MTREX: variants seen among roughly 807,000 people sequenced by gnomAD.
The protein encoded by MTREX is exosome RNA helicase MTR4.
A neutral mutation model predicts 135.4 loss-of-function variants in MTREX; 76 were observed. The observed-to-expected ratio is 0.56, with a 90% CI of 0.47 to 0.68. The LOEUF (loss-of-function observed/expected upper bound fraction) is 0.68, where lower values mean the gene tolerates loss of function less well. Among genes scored for constraint, MTREX ranks in the 30% least tolerant of loss-of-function variants. The probability of loss-of-function intolerance (pLI) is 0.00; values close to 1 mark genes in which losing one functional copy is unlikely to be tolerated. For synonymous variants in MTREX, 404 were observed against 401.6 expected, an observed-to-expected ratio of 1.01 and a Z score of -0.07; for missense variants, 920 against 1,262.1, an observed-to-expected ratio of 0.73 and a Z score of 4.11.
rs1183589561 is a variant in MTREX, at chr5:55,355,440, TAAG to T, written c.1533+2175_1533+2177del. ...AGACTCCCTTTAACCCCTCCACTGTTAAGAAGGAGGCACCTGGGGGATGGAATG... is the reference window on the plus strand; with the variant it reads ...AGACTCCCTTTAACCCCTCCACTGTTAAGGAGGCACCTGGGGGATGGAATG... On this transcript the variant is annotated intron_variant, in intron 14 of 26. Transcript: ENST00000230640. 7.2e-5 allele frequency among the ~76,000 whole-genome samples: 11 copies of T among 152,200 alleles called. No individual in the cohort carries two copies. The South Asian group carries it at 2.1e-3, about 29-fold the overall frequency.
chr5:55,365,243 G>C (rs973431752), intron 15 of MTREX, among the ~76,000 whole-genome samples: 6 of 152,124 alleles, frequency 3.9e-5, no homozygotes, highest in African/African-American at 1.2e-4. Context: ...TTATAAAGTA[G>C]ATGAAGTTCT....
intron 13 of MTREX, among the ~76,000 whole-genome samples, chr5:55,352,823 C>G (rs2112071618): frequency 6.6e-6 from 1 of 152,234 alleles, no homozygotes; most frequent in African/African-American, 2.4e-5. Flanking sequence ...ATCACTGTGT[C>G]ATCAGTTGCA....
At chr5:55,365,625 G>A (rs909420699) in intron 15 of MTREX, among the ~76,000 whole-genome samples, 5 of 152,094 alleles carry the variant, frequency 3.3e-5, no homozygotes, top group Non-Finnish European at 7.4e-5. Flanking sequence ...TACATGTATC[G>A]TCCGAGAATT....
intron 14 of MTREX, among the ~76,000 whole-genome samples, chr5:55,358,339 G>A (rs1033222576): frequency 6.6e-6 from 1 of 152,078 alleles, no homozygotes. Context: ...ATGATAATAA[G>A]TCTAAAATTT....
intron 16 of MTREX, among the ~76,000 whole-genome samples, chr5:55,369,929 C>CT (rs1441537677): frequency 9.4e-6 from 1 of 105,832 alleles, no homozygotes; most frequent in African/African-American, 3.5e-5. Context: ...TTTTTTTTTT[C>CT]TTTTTTTGAG....
intron 19 of MTREX, among the ~76,000 whole-genome samples, chr5:55,396,845 CT>C: frequency 6.6e-6 from 1 of 152,160 alleles, no homozygotes; most frequent in African/African-American, 2.4e-5. Flanking sequence ...TTTATAGAGG[CT>C]CTCTGGATTC....
At chr5:55,354,094 A>G (rs1439786600) in intron 14 of MTREX, among the ~76,000 whole-genome samples, 5 of 152,234 alleles carry the variant, frequency 3.3e-5, no homozygotes, top group African/African-American at 1.2e-4. Flanking sequence ...TTAGTAAACA[A>G]TTACCAAACT....
At chr5:55,350,356 TAA>T (rs1749806854) in intron 12 of MTREX, among the ~76,000 whole-genome samples, 1 of 152,358 alleles carries the variant, frequency 6.6e-6, no homozygotes, top group South Asian at 2.1e-4. Context: ...AAAGGGTATT[TAA>T]TGTATAAACT....
intron 18 of MTREX, among the ~76,000 whole-genome samples, chr5:55,384,393 G>A (rs12652531): frequency 0.14 from 21,362 of 152,094 alleles, 1,895 homozygotes; most frequent in East Asian, 0.26. Context: ...GATATGTTCT[G>A]TTTGATACAA....
intron 25 of MTREX, among the ~76,000 whole-genome samples, chr5:55,418,803 T>G (rs934578637): frequency 6.6e-6 from 1 of 152,108 alleles, no homozygotes; most frequent in Non-Finnish European, 1.5e-5. Flanking sequence ...GTGCTTCCAT[T>G]TCAAGAATAG....
Position 55,352,447 on chromosome 5 carries a change from T to A in MTREX, c.1432-721T>A, listed in dbSNP as rs866633838. On this transcript the variant is annotated intron_variant, in intron 13 of 26. Coordinates refer to ENST00000230640, the MANE Select transcript of MTREX (RefSeq NM_015360.5). ...GTGTAAAATTCAAATAGAGCAGTTG[T>A]ATGTAAAGTAAAAAAATGAAAGATC... 3.3e-5 allele frequency among the ~76,000 whole-genome samples: 5 copies of A among 152,138 alleles called. No homozygotes were observed. The South Asian group carries it at 6.2e-4, about 19-fold the overall frequency.
chr5:55,351,430 G>C (rs1469189543), intron 13 of MTREX, among the ~76,000 whole-genome samples: 2 of 152,186 alleles, frequency 1.3e-5, no homozygotes, highest in Non-Finnish European at 2.9e-5. Flanking sequence ...TACTAGGGAA[G>C]CTGAGGCAGG....
chr5:55,326,847 T>C (rs1749386612), intron 3 of MTREX, among the ~76,000 whole-genome samples: 2 of 152,118 alleles, frequency 1.3e-5, no homozygotes, highest in South Asian at 4.1e-4. Flanking sequence ...ATCCCTCCCC[T>C]AGCCCCCCAC....
chr5:55,365,524 A>G (rs1561198615), intron 15 of MTREX, among the ~76,000 whole-genome samples: 1 of 152,102 alleles, frequency 6.6e-6, no homozygotes, highest in Admixed American at 6.6e-5. Flanking sequence ...CAATTTAAGA[A>G]CCCAGGAGTA....
chr5:55,405,758 A>ATG (rs1478161125), intron 22 of MTREX, among the ~76,000 whole-genome samples, 170 bp downstream of exon 22: 1 of 152,172 alleles, frequency 6.6e-6, no homozygotes, highest in East Asian at 1.9e-4. Context: ...TTTAAAAATA[A>ATG]CCATTATCTT....
chr5:55,363,707 C>T (rs1314570824), intron 15 of MTREX, among the ~76,000 whole-genome samples: 1 of 151,906 alleles, frequency 6.6e-6, no homozygotes, highest in Non-Finnish European at 1.5e-5. Flanking sequence ...TATGACTTGC[C>T]CTCCATGAAG....
At chr5:55,325,711 C>T (rs796736971) in intron 3 of MTREX, among the ~76,000 whole-genome samples, 25 of 151,976 alleles carry the variant, frequency 1.6e-4, no homozygotes, top group African/African-American at 5.1e-4. Context: ...CAGTTGAACC[C>T]GTCACCCAAA....
chr5:55,399,307 A>T (rs973829230), intron 20 of MTREX, among the ~76,000 whole-genome samples: 1 of 152,056 alleles, frequency 6.6e-6, no homozygotes, highest in Admixed American at 6.6e-5. Flanking sequence ...CTCCTCCCCA[A>T]TTCCCAGTTC....
intron 16 of MTREX, among the ~76,000 whole-genome samples, chr5:55,372,527 A>G (rs764293239): frequency 6.6e-6 from 1 of 152,108 alleles, no homozygotes; most frequent in Non-Finnish European, 1.5e-5. Context: ...TACGTGCACT[A>G]TTGTTATCCT....
Sources: allele counts gnomAD v4.1 joint callset (sites outside exome capture counted in the v4.1 genomes callset), GRCh38; gene constraint gnomAD v4.1.1; transcripts MANE v1.5; gene names NCBI Gene and HGNC (gene_info 2026-07-23, HGNC 2026-07-21).